Variants in CFAP141 observed in about 807,000 individuals in gnomAD.
The protein encoded by CFAP141 is cilia- and flagella-associated protein 141.
chr1:154,199,918 C>A, the CFAP141 span, among the ~76,000 whole-genome samples: 2 of 151,990 alleles, frequency 1.3e-5, no homozygotes, highest in African/African-American at 4.8e-5. Flanking sequence ...ACGTTGTAGC[C>A]CAGGCTGGAG....
At chr1:154,200,610 G>A in the CFAP141 span, 15 of 1,613,216 alleles carry the variant, frequency 9.3e-6, no homozygotes, top group Non-Finnish European at 1.3e-5. Context: ...ACAGAGGTGG[G>A]GGTTGAATGG....
chr1:154,205,714 T>C, the CFAP141 span: 1 of 1,389,224 alleles, frequency 7.2e-7, no homozygotes, highest in South Asian at 1.2e-5. Flanking sequence ...TAGACCTTTT[T>C]TTTTTTTGAG....
chr1:154,205,626 C>A, the CFAP141 span: 3 of 1,614,014 alleles, frequency 1.9e-6, no homozygotes, highest in Non-Finnish European at 2.5e-6. Context: ...AGTCCCATGG[C>A]CTTTTGAAAA....
chr1:154,206,222 A>G, the CFAP141 span: 1 of 1,542,124 alleles, frequency 6.5e-7, no homozygotes, highest in South Asian at 1.1e-5. Flanking sequence ...TAGTAAATTG[A>G]TCTGGAAACT....
At chr1:154,205,489 C>G in the CFAP141 span, 5 of 1,026,792 alleles carry the variant, frequency 4.9e-6, no homozygotes, top group Non-Finnish European at 7.7e-6. Context: ...CTGTTTTCCT[C>G]TTGATGAGCC....
the CFAP141 span, chr1:154,200,700 G>T: frequency 8.2e-7 from 1 of 1,226,368 alleles, no homozygotes; most frequent in Non-Finnish European, 1.1e-6. Context: ...CTTTTTTTTT[G>T]AGACAGAGTT....
the CFAP141 span, among the ~76,000 whole-genome samples, chr1:154,202,795 C>T: frequency 2.7e-5 from 4 of 149,430 alleles, no homozygotes; most frequent in African/African-American, 4.9e-5. Flanking sequence ...AGCAAGACTC[C>T]GTCCCAAGGA....
chr1:154,202,054 A>G, the CFAP141 span, among the ~76,000 whole-genome samples: 1 of 151,800 alleles, frequency 6.6e-6, no homozygotes, highest in Non-Finnish European at 1.5e-5. Flanking sequence ...CTCCTGCCTC[A>G]GACTCCTGAG....
At chr1:154,206,135 A>G in the CFAP141 span, 1 of 827,014 alleles carries the variant, frequency 1.2e-6, no homozygotes, top group Non-Finnish European at 2.1e-6. Context: ...TGTACTAGAC[A>G]CAGCCTCCCA....
the CFAP141 span, chr1:154,205,474 C>T: frequency 2.1e-5 from 18 of 876,578 alleles, no homozygotes; most frequent in Middle Eastern, 2.5e-4. Context: ...TCACCCCTTC[C>T]GCATCTGTTT....
the CFAP141 span, chr1:154,206,241 C>G: frequency 4.3e-6 from 7 of 1,609,976 alleles, no homozygotes; most frequent in Admixed American, 5.0e-5. Flanking sequence ...CTTCATCAAA[C>G]TTCAACCCAG....
the CFAP141 span, chr1:154,199,402 T>A: frequency 6.7e-7 from 1 of 1,502,406 alleles, no homozygotes; most frequent in East Asian, 2.3e-5. Flanking sequence ...ATGTTGAGAA[T>A]GGAAGAGCAG....
At chr1:154,200,679 C>CTT in the CFAP141 span, 2 of 1,382,264 alleles carry the variant, frequency 1.4e-6, no homozygotes, top group Non-Finnish European at 9.9e-7. Flanking sequence ...TTTCTTTTTT[C>CTT]TTTTTCTTTT....
chr1:154,203,205 A>ACTT, the CFAP141 span, among the ~76,000 whole-genome samples: 2 of 74,746 alleles, frequency 2.7e-5, no homozygotes, highest in African/African-American at 4.8e-5. Context: ...ATATATATAT[A>ACTT]TATATATATA....
At chr1:154,201,390 CTT>C in the CFAP141 span, among the ~76,000 whole-genome samples, 11 of 135,216 alleles carry the variant, frequency 8.1e-5, no homozygotes, top group Admixed American at 1.5e-4. Flanking sequence ...TCAAATCCAG[CTT>C]TTTTTTTTTT....
the CFAP141 span, chr1:154,200,494 G>T: frequency 6.2e-7 from 1 of 1,614,202 alleles, no homozygotes; most frequent in Non-Finnish European, 8.5e-7. Context: ...GCCAATTCCT[G>T]TACCATGGTG....
the CFAP141 span, among the ~76,000 whole-genome samples, chr1:154,201,560 G>A: frequency 6.6e-6 from 1 of 151,524 alleles, no homozygotes; most frequent in Admixed American, 6.6e-5. Flanking sequence ...GCTAATTTTT[G>A]TATTTTTAGT....
At chr1:154,203,566 C>A in the CFAP141 span, among the ~76,000 whole-genome samples, 3 of 151,880 alleles carry the variant, frequency 2.0e-5, no homozygotes, top group Admixed American at 6.6e-5. Flanking sequence ...ATAGCCAGGA[C>A]AACAGGTGTG....
chr1:154,203,560 C>A, the CFAP141 span, among the ~76,000 whole-genome samples: 2 of 151,988 alleles, frequency 1.3e-5, no homozygotes, highest in East Asian at 3.9e-4. Context: ...GTCTAAATAG[C>A]CAGGACAACA....
Sources: gnomAD v4.1 joint callset for allele counts (sites outside exome capture counted in the v4.1 genomes callset) on GRCh38, gnomAD v4.1.1 for gene constraint, MANE v1.5 for transcripts, NCBI Gene and HGNC (gene_info 2026-07-23, HGNC 2026-07-21) for gene names.